PTK2: variants seen among roughly 807,000 people sequenced by gnomAD.
PTK2 encodes protein tyrosine kinase 2, also known as focal adhesion kinase 1.
Under a neutral mutation model 150.1 loss-of-function variants are expected in PTK2, and 45 were observed. The ratio of observed to expected loss-of-function variants is 0.30; its 90% CI spans 0.24 to 0.38. The LOEUF is 0.38. Ranked by LOEUF, PTK2 falls within the 10% of genes least tolerant of loss-of-function variation. The pLI is 1.00. For synonymous variants in PTK2, 432 were observed against 449.2 expected, an observed-to-expected ratio of 0.96 and a Z score of 0.48; for missense variants, 919 against 1,307.3, an observed-to-expected ratio of 0.70 and a Z score of 4.58.
chr8:140,720,605 C>T (rs968717795), intron 22 of PTK2, among the ~76,000 whole-genome samples: 1 of 152,172 alleles, frequency 6.6e-6, no homozygotes, highest in Non-Finnish European at 1.5e-5. Flanking sequence ...TTGCGAATAT[C>T]TAAATGAAAA....
At chr8:140,804,949 C>A (rs984381697) in intron 10 of PTK2, among the ~76,000 whole-genome samples, 1 of 152,192 alleles carries the variant, frequency 6.6e-6, no homozygotes, top group Non-Finnish European at 1.5e-5. Flanking sequence ...TTTCTTCCAC[C>A]TCACTGGTCT....
intron 2 of PTK2, chr8:140,921,232 G>T: frequency 2.8e-6 from 2 of 711,246 alleles, no homozygotes; most frequent in Non-Finnish European, 3.6e-6. Context: ...TTCATTCAGG[G>T]AAGGAGAAAG....
intron 7 of PTK2, among the ~76,000 whole-genome samples, chr8:140,841,939 A>C (rs1289328444): frequency 6.6e-6 from 1 of 151,616 alleles, no homozygotes; most frequent in Non-Finnish European, 1.5e-5. Flanking sequence ...CTGAATGTCC[A>C]CTATTATGTG....
chr8:140,797,601 C>G (rs1458744669), intron 12 of PTK2, among the ~76,000 whole-genome samples: 1 of 152,118 alleles, frequency 6.6e-6, no homozygotes, highest in African/African-American at 2.4e-5. Flanking sequence ...AATTACAACT[C>G]TATATTACAC....
At chr8:140,945,941 T>G (rs2100177547) in intron 1 of PTK2, among the ~76,000 whole-genome samples, 1 of 152,196 alleles carries the variant, frequency 6.6e-6, no homozygotes, top group South Asian at 2.1e-4. Flanking sequence ...CATCAGTTTT[T>G]TCAATCAGTA....
intron 5 of PTK2, among the ~76,000 whole-genome samples, chr8:140,854,466 C>T (rs1205022003): frequency 6.6e-6 from 1 of 152,130 alleles, no homozygotes; most frequent in Non-Finnish European, 1.5e-5. Context: ...AAAAAATAAA[C>T]GTTACACGGT....
chr8:140,819,671 A>G (rs1352522044), intron 8 of PTK2, among the ~76,000 whole-genome samples: 4 of 152,228 alleles, frequency 2.6e-5, no homozygotes, highest in Admixed American at 2.6e-4. Context: ...AAAAGATGAC[A>G]AAACAGTCAG....
chr8:140,674,693 C>T (rs772411346), intron 28 of PTK2, among the ~76,000 whole-genome samples: 3 of 150,970 alleles, frequency 2.0e-5, no homozygotes, highest in African/African-American at 4.9e-5. Flanking sequence ...GAGTTGAGAT[C>T]GTGCCATTGC....
chr8:140,800,362 TAC>T, intron 12 of PTK2, 95 bp downstream of exon 12: 1 of 974,190 alleles, frequency 1.0e-6, no homozygotes, highest in Admixed American at 1.7e-5. Context: ...TCTTCATTTT[TAC>T]AGTTACCTAA....
intron 14 of PTK2, among the ~76,000 whole-genome samples, chr8:140,776,336 A>T (rs1240334773): frequency 6.6e-6 from 1 of 152,234 alleles, no homozygotes; most frequent in Non-Finnish European, 1.5e-5. Flanking sequence ...AATTTTTGGT[A>T]AACAATTTAA....
At position 140,997,114 on chromosome 8, in the gene PTK2, A is replaced by G. The variant is rs537124834; in HGVS notation, c.-122+4011T>C. ...ATAACTCTGAGGGATTCACGACTTC[A>G]GTAGAGAAAGTAAATGCAGATATGG... On this transcript the variant is annotated intron_variant, in intron 1 of 31. Coordinates refer to ENST00000522684, the Ensembl canonical transcript of PTK2. 6.0e-4 allele frequency among the ~76,000 whole-genome samples: 92 copies of G among 152,360 alleles called. 1 individual carries two copies. Among genetic ancestry groups the G allele is most frequent in the South Asian group, 1.9e-3 (9 of 4,832 alleles).
intron 16 of PTK2, among the ~76,000 whole-genome samples, chr8:140,760,506 T>C (rs2100068799): frequency 6.6e-6 from 1 of 152,202 alleles, no homozygotes; most frequent in African/African-American, 2.4e-5. Flanking sequence ...GTTTCATTTA[T>C]ACAAAATGTC....
intron 1 of PTK2, among the ~76,000 whole-genome samples, chr8:140,955,817 T>C (rs1294947447): frequency 1.3e-5 from 2 of 152,130 alleles, no homozygotes; most frequent in African/African-American, 2.4e-5. Flanking sequence ...CAGCACTAAA[T>C]GCAGACAGAA....
At chr8:140,815,503 T>TA (rs1196099239) in intron 10 of PTK2, among the ~76,000 whole-genome samples, 2 of 152,080 alleles carry the variant, frequency 1.3e-5, no homozygotes, top group Non-Finnish European at 2.9e-5. Context: ...ATCTGTATGA[T>TA]AAACTGTGTG....
intron 10 of PTK2, among the ~76,000 whole-genome samples, chr8:140,813,875 G>GT (rs990163687): frequency 1.4e-4 from 22 of 151,726 alleles, no homozygotes; most frequent in African/African-American, 2.2e-4. Flanking sequence ...ACCAAGAGTT[G>GT]TTTTTTTAAA....
intron 12 of PTK2, among the ~76,000 whole-genome samples, chr8:140,795,975 G>A (rs928059920): frequency 3.9e-5 from 6 of 152,092 alleles, no homozygotes; most frequent in East Asian, 1.9e-4. Flanking sequence ...TGCATTGAGC[G>A]GCATCCTCTA....
chr8:140,667,464 CTCTTT>C (rs1234965911), intron 30 of PTK2, among the ~76,000 whole-genome samples: 40 of 84,676 alleles, frequency 4.7e-4, no homozygotes, highest in Admixed American at 9.2e-4. Context: ...CTCTCTCTCT[CTCTTT>C]TTTTTTTTTT....
At chr8:140,715,759 A>G (rs1204530006) in intron 23 of PTK2, among the ~76,000 whole-genome samples, 1 of 150,956 alleles carries the variant, frequency 6.6e-6, no homozygotes, top group Non-Finnish European at 1.5e-5. Context: ...AGAATCTCAA[A>G]ATATATATTT....
At chr8:140,751,980 G>T (rs781733592) in intron 17 of PTK2, 11 of 639,916 alleles carry the variant, frequency 1.7e-5, no homozygotes, top group Non-Finnish European at 2.9e-5. Flanking sequence ...GCAAAGATGT[G>T]TAATGGCCTA....
Sources: allele counts gnomAD v4.1 joint callset (sites outside exome capture counted in the v4.1 genomes callset), GRCh38; gene constraint gnomAD v4.1.1; transcripts MANE v1.5; gene names NCBI Gene and HGNC (gene_info 2026-07-23, HGNC 2026-07-21).